Variants in THSD4 observed in about 807,000 individuals in gnomAD.
THSD4 encodes thrombospondin type-1 domain-containing protein 4.
In THSD4, 69 loss-of-function variants were observed where a neutral mutation model predicts 119.0. The ratio of observed to expected loss-of-function variants is 0.58; its 90% confidence interval spans 0.48 to 0.71. THSD4 has a LOEUF of 0.71. Ranked by LOEUF, THSD4 falls within the 30% of genes least tolerant of loss-of-function variation. The pLI, the probability that THSD4 is intolerant of heterozygous loss-of-function variation, is 0.00. For synonymous variants in THSD4, 524 were observed against 540.4 expected (o/e 0.97, Z 0.42); for missense variants, 1,393 against 1,391.1 (o/e 1.00, Z -0.02).
intron 10 of THSD4, chr15:71,732,548 C>T (rs1313600881): frequency 6.6e-6 from 1 of 152,212 alleles, no homozygotes; most frequent in Non-Finnish European, 1.5e-5. Flanking sequence ...AGCTCACACA[C>T]ATTGAGTCCT....
chr15:71,624,418 A>G (rs566276392), intron 7 of THSD4, among the ~76,000 whole-genome samples: 5 of 152,330 alleles, frequency 3.3e-5, no homozygotes, highest in African/African-American at 1.2e-4. Context: ...TTTAAATCAC[A>G]TTTTTGGGGA....
chr15:71,682,908 C>CTTTCTTTCT (rs1487997047), intron 8 of THSD4, among the ~76,000 whole-genome samples: 4 of 4,154 alleles, frequency 9.6e-4, no homozygotes, highest in African/African-American at 2.1e-3. Flanking sequence ...TTCTTTCTTT[C>CTTTCTTTCT]TTCTTCTTCT....
chr15:71,157,420 C>T (rs2040789411), intron 3 of THSD4, among the ~76,000 whole-genome samples: 1 of 151,950 alleles, frequency 6.6e-6, no homozygotes, highest in Non-Finnish European at 1.5e-5. Flanking sequence ...ATTTAGCATT[C>T]TAGTCACCTC....
At chr15:71,335,941 C>T (rs983467003) in intron 6 of THSD4, among the ~76,000 whole-genome samples, 2 of 151,974 alleles carry the variant, frequency 1.3e-5, no homozygotes, top group African/African-American at 4.8e-5. Flanking sequence ...GGTGGGTTGT[C>T]GGGGAATGAT....
chr15:71,436,277 A>C (rs572011931), intron 7 of THSD4, among the ~76,000 whole-genome samples: 100 of 152,268 alleles, frequency 6.6e-4, no homozygotes, highest in Non-Finnish European at 1.1e-3. Context: ...TGACAAAACA[A>C]AACAGGAAGA....
At chr15:71,434,616 C>A (rs1244462628) in intron 7 of THSD4, among the ~76,000 whole-genome samples, 2 of 151,652 alleles carry the variant, frequency 1.3e-5, no homozygotes, top group African/African-American at 2.4e-5. Context: ...TTCCAAAAGG[C>A]CTGTGAAGTT....
intron 14 of THSD4, among the ~76,000 whole-genome samples, chr15:71,756,848 A>G (rs1276153099): frequency 6.6e-6 from 1 of 152,222 alleles, no homozygotes; most frequent in Non-Finnish European, 1.5e-5. Context: ...ACGTATGGCA[A>G]GACAGATGGA....
rs549028878 is a variant in THSD4, at chr15:71,510,168, G to A, written c.1152+98345G>A. On this transcript the variant is annotated intron_variant, in intron 7 of 17. Coordinates refer to ENST00000261862, the MANE Select transcript of THSD4 (RefSeq NM_024817.3). The stretch of plus-strand genomic sequence containing the variant: ...GTTGCATTGATAGAACACCCAATGC[G>A]CTTGCCACTAGCGCTCAGCACAGTG... Among the ~76,000 whole-genome samples the A allele has an allele frequency of 1.1e-4, 17 of 152,290 alleles. 1 individual carries two copies. In the South Asian group the frequency reaches 1.2e-3, roughly 11 times the overall value.
intron 6 of THSD4, among the ~76,000 whole-genome samples, chr15:71,343,499 G>A (rs1280888387): frequency 1.3e-5 from 2 of 152,104 alleles, no homozygotes; most frequent in African/African-American, 2.4e-5. Flanking sequence ...AGTCTCTGAG[G>A]GTGAATCCTC....
At chr15:71,774,564 A>G (rs1381748455) in intron 17 of THSD4, among the ~76,000 whole-genome samples, 1 of 152,168 alleles carries the variant, frequency 6.6e-6, no homozygotes, top group East Asian at 1.9e-4. Context: ...ATTACCTTTG[A>G]CTTAATAATT....
intron 13 of THSD4, among the ~76,000 whole-genome samples, chr15:71,748,174 G>A (rs2053375737): frequency 6.6e-6 from 1 of 152,144 alleles, no homozygotes; most frequent in South Asian, 2.1e-4. Flanking sequence ...CCAAGAGGAG[G>A]CCCATTCAGT....
At chr15:71,312,173 T>A (rs1460627451) in intron 6 of THSD4, among the ~76,000 whole-genome samples, 1 of 152,088 alleles carries the variant, frequency 6.6e-6, no homozygotes, top group South Asian at 2.1e-4. Context: ...TATTTGGAGA[T>A]AAGACCTTTA....
chr15:71,400,683 A>T (rs1487587236), intron 6 of THSD4, among the ~76,000 whole-genome samples: 1 of 152,110 alleles, frequency 6.6e-6, no homozygotes, highest in African/African-American at 2.4e-5. Context: ...CTGCATATAC[A>T]CTTAAGACAT....
At chr15:71,225,551 C>CTTTTTTTTTTT (rs748966344) in intron 4 of THSD4, among the ~76,000 whole-genome samples, 72 of 41,088 alleles carry the variant, frequency 1.8e-3, no homozygotes, top group South Asian at 2.9e-3. Context: ...TTTTTTTTTT[C>CTTTTTTTTTTT]TTTTTTTTTT....
chr15:71,408,139 G>A (rs867800906), intron 6 of THSD4, among the ~76,000 whole-genome samples: 1 of 150,364 alleles, frequency 6.7e-6, no homozygotes, highest in African/African-American at 2.4e-5. Context: ...AGAGTCTCCT[G>A]GCATCAGAAT....
At chr15:71,735,932 G>T (rs546475583) in intron 10 of THSD4, among the ~76,000 whole-genome samples, 2 of 118,194 alleles carry the variant, frequency 1.7e-5, no homozygotes, top group Non-Finnish European at 3.5e-5. Flanking sequence ...CTCACTTTCT[G>T]TCTCTATCTC....
At chr15:71,341,022 C>G (rs548437728) in intron 6 of THSD4, 1 of 668,482 alleles carries the variant, frequency 1.5e-6, no homozygotes, top group African/African-American at 1.8e-5. Flanking sequence ...CATTGTTTCC[C>G]AGTGTCTTGC....
At chr15:71,381,447 A>G (rs2046227487) in intron 6 of THSD4, among the ~76,000 whole-genome samples, 1 of 152,164 alleles carries the variant, frequency 6.6e-6, no homozygotes, top group African/African-American at 2.4e-5. Context: ...CTCTGGCTTG[A>G]TGTTGGGCTA....
intron 8 of THSD4, among the ~76,000 whole-genome samples, chr15:71,707,091 G>A (rs2141083359): frequency 6.6e-6 from 1 of 152,188 alleles, no homozygotes; most frequent in East Asian, 1.9e-4. Flanking sequence ...TGGGAGGGTG[G>A]TTCTGAAGGG....
Sources: allele counts gnomAD v4.1 joint callset (sites outside exome capture counted in the v4.1 genomes callset), GRCh38; gene constraint gnomAD v4.1.1; transcripts MANE v1.5; gene names NCBI Gene and HGNC (gene_info 2026-07-23, HGNC 2026-07-21).